Variants in ATP13A5 observed in about 807,000 individuals in gnomAD.
ATP13A5 encodes the protein ATPase 13A5, also known as probable cation-transporting ATPase 13A5.
A neutral mutation model predicts 150.2 loss-of-function variants in ATP13A5; 149 were observed. The ratio of observed to expected loss-of-function variants is 0.99; its 90% CI spans 0.87 to 1.14. The LOEUF (loss-of-function observed/expected upper bound fraction) is 1.14. Among genes scored for constraint, ATP13A5 ranks in the 50% most tolerant of loss-of-function variants. The probability of loss-of-function intolerance (pLI) is 0.00; values close to 1 mark genes in which losing one functional copy is unlikely to be tolerated. For synonymous variants in ATP13A5, 497 were observed against 522.2 expected (o/e 0.95, Z 0.66); for missense variants, 1,383 against 1,449.3 (o/e 0.95, Z 0.74).
intron 25 of ATP13A5, among the ~76,000 whole-genome samples, chr3:193,297,877 AG>A (rs1408917593): frequency 6.6e-6 from 1 of 152,144 alleles, no homozygotes; most frequent in East Asian, 1.9e-4. Context: ...GACTAGAACT[AG>A]GAAGATCATC....
chr3:193,371,805 G>A (rs1713452024), intron 1 of ATP13A5, among the ~76,000 whole-genome samples: 1 of 152,182 alleles, frequency 6.6e-6, no homozygotes, highest in Admixed American at 6.5e-5. Flanking sequence ...TAGGTCAGGT[G>A]TACCCAATCT....
At chr3:193,280,281 C>G (rs1446684104) in intron 27 of ATP13A5, among the ~76,000 whole-genome samples, 1 of 152,116 alleles carries the variant, frequency 6.6e-6, no homozygotes, top group Non-Finnish European at 1.5e-5. Context: ...GCTCGAACTC[C>G]TGACCTGCGA....
intron 14 of ATP13A5, 107 bp from the exon 15 acceptor site, chr3:193,322,681 A>G (rs2108863921): frequency 1.3e-6 from 1 of 794,202 alleles, no homozygotes; most frequent in Non-Finnish European, 2.0e-6. Context: ...ATTTTTACAT[A>G]TTTTCTCTTC....
intron 28 of ATP13A5, among the ~76,000 whole-genome samples, chr3:193,278,371 G>A (rs1717321778): frequency 6.6e-6 from 1 of 152,046 alleles, no homozygotes; most frequent in Non-Finnish European, 1.5e-5. Flanking sequence ...GTTGCCCTTG[G>A]CATAAAGTCT....
At chr3:193,345,661 G>A (rs1251343302) in intron 7 of ATP13A5, among the ~76,000 whole-genome samples, 1 of 152,164 alleles carries the variant, frequency 6.6e-6, no homozygotes, top group East Asian at 1.9e-4. Flanking sequence ...CAAGACTCAG[G>A]TATTGTAACA....
intron 5 of ATP13A5, 121 bp downstream of exon 5, chr3:193,362,260 A>T: frequency 1.1e-6 from 1 of 874,344 alleles, no homozygotes; most frequent in Non-Finnish European, 1.8e-6. Context: ...GCTGCCAGTA[A>T]ATGAACTTGG....
chr3:193,338,875 T>A (rs1317411288), intron 9 of ATP13A5, among the ~76,000 whole-genome samples: 1 of 152,210 alleles, frequency 6.6e-6, no homozygotes, highest in East Asian at 1.9e-4. Flanking sequence ...GGACTTTTTT[T>A]GGTTGGTAGG....
chr3:193,307,203 T>C, intron 22 of ATP13A5, 124 bp downstream of exon 22: 1 of 1,557,112 alleles, frequency 6.4e-7, no homozygotes, highest in Non-Finnish European at 8.7e-7. Flanking sequence ...GAGGTGGATA[T>C]AAACAGCAAA....
rs146780815 is a variant in ATP13A5 at position 193,364,223 on chromosome 3, C to A, written c.121G>T (p.Val41Leu). 16 of 1,614,108 alleles carry A rather than the reference C, an allele frequency of 9.9e-6. No individual in the cohort carries two copies. Among genetic ancestry groups the A allele is most frequent in the Admixed American group, 1.7e-5 (1 of 60,014 alleles). Reference protein sequence around the residue: ...VRKAFCLVASVLTCGGLLLVF... With the variant: ...VRKAFCLVASLLTCGGLLLVF... Reference sequence around the variant, plus strand: ...AGCAGAAGGCCCCCACAGGTCAGCACGGATGCGACAAGGCAGAAGGCTTTC... The same window carrying A: ...AGCAGAAGGCCCCCACAGGTCAGCAAGGATGCGACAAGGCAGAAGGCTTTC... The change falls in exon 2 of 30, where the codon GTG becomes TTG. Residue 41 changes from valine (V) to leucine (L), a missense_variant. Coordinates refer to ENST00000342358, the MANE Select transcript of ATP13A5 (RefSeq NM_198505.4).
intron 26 of ATP13A5, among the ~76,000 whole-genome samples, chr3:193,288,295 A>G (rs1223399570): frequency 6.6e-6 from 1 of 152,170 alleles, no homozygotes; most frequent in Non-Finnish European, 1.5e-5. Context: ...ATGCTATTAA[A>G]CAGCCTCACT....
At chr3:193,291,455 A>C (rs1283153951) in intron 25 of ATP13A5, among the ~76,000 whole-genome samples, 1 of 152,042 alleles carries the variant, frequency 6.6e-6, no homozygotes, top group Non-Finnish European at 1.5e-5. Context: ...TTTCTTATGC[A>C]CGGTGGGCTT....
chr3:193,296,879 C>G (rs1298413011), intron 25 of ATP13A5, among the ~76,000 whole-genome samples: 1 of 151,994 alleles, frequency 6.6e-6, no homozygotes, highest in Non-Finnish European at 1.5e-5. Context: ...AAACCAAGCA[C>G]TGCATATTCT....
At chr3:193,335,524 T>G (rs35304364) in intron 9 of ATP13A5, among the ~76,000 whole-genome samples, 369 of 152,290 alleles carry the variant, frequency 2.4e-3, no homozygotes, top group Middle Eastern at 0.01. Flanking sequence ...TTCAGCTATT[T>G]TAGGTGCTTA....
chr3:193,335,013 T>C lies in ATP13A5; in HGVS notation c.1030A>G (p.Lys344Glu), dbSNP rs75931190. Residue 344 changes from lysine to glutamate, a missense_variant, in exon 10 of 30, where the codon AAA becomes GAA. This residue lies in a region of ATP13A5 where 787 missense variants were observed against 771.9 expected (regional missense o/e 1.02). Coordinates refer to ENST00000342358, the MANE Select transcript of ATP13A5 (RefSeq NM_198505.4). ...WKCHSLEDYR[K>E]HVLFCGTEVI... ...TCTGTTCCACAGAAAAGGACGTGTTTCCTATAATCCTCCAAACTGTGACAT... is the reference window on the plus strand; with the variant it reads ...TCTGTTCCACAGAAAAGGACGTGTTCCCTATAATCCTCCAAACTGTGACAT... The C allele has an allele frequency of 2.2e-3, 3,535 of 1,613,964 alleles. 76 individuals carry two copies. The African/African-American group carries it at 0.043, about 20-fold the overall frequency.
rs112232375 is a variant in ATP13A5 at position 193,315,829 on chromosome 3, A to AT, written c.2034-734dup. Among the ~76,000 whole-genome samples, 784 of 151,738 alleles carry AT rather than the reference A, an allele frequency of 5.2e-3. 7 individuals carry two copies. The highest frequency in any genetic ancestry group is 0.018 in the African/African-American group (753 of 41,296). On this transcript the variant is annotated intron_variant, in intron 17 of 29. Transcript: ENST00000342358. ...CATTACCATAATCCAGGTAATAAACATATCCATCACCTCAAAAAGTTTCCT... is the reference window on the plus strand; with the variant it reads ...CATTACCATAATCCAGGTAATAAACATTATCCATCACCTCAAAAAGTTTCCT...
At chr3:193,313,808 G>A (rs1040244733) in intron 19 of ATP13A5, 2 of 472,268 alleles carry the variant, frequency 4.2e-6, no homozygotes, top group Non-Finnish European at 7.5e-6. Context: ...TACCCCAGGG[G>A]TTCTGATTTA....
intron 6 of ATP13A5, 23 bp from the exon 7 acceptor site, chr3:193,351,224 T>G: frequency 6.2e-7 from 1 of 1,613,306 alleles, no homozygotes; most frequent in Non-Finnish European, 8.5e-7. Flanking sequence ...AAATGGCATT[T>G]GGGTCACTTG....
At position 193,279,375 on chromosome 3, in the gene ATP13A5, A is replaced by T. The variant is rs1717375838; in HGVS notation, c.3306T>A (p.Arg1102=). The T allele has an allele frequency of 6.2e-7, 1 of 1,613,294 alleles. No homozygotes were observed. The change falls in exon 28 of 30, where the codon CGT becomes CGA. Residue 1102 remains arginine, a synonymous_variant. Transcript: ENST00000342358. The part of the protein sequence containing the change: ...ILFSDFQVIY[R]GMELIPTITS... The stretch of plus-strand genomic sequence containing the variant: ...AATGAATGCCACTTACCTCCATTCC[A>T]CGGTATATAACTTGAAAGTCAGAAA...
intron 27 of ATP13A5, among the ~76,000 whole-genome samples, chr3:193,280,618 T>C (rs982026475): frequency 2.6e-5 from 4 of 152,164 alleles, no homozygotes; most frequent in Admixed American, 1.3e-4. Flanking sequence ...GGAGCTAAAC[T>C]TCCCGGATGC....
Sources: allele counts gnomAD v4.1 joint callset (sites outside exome capture counted in the v4.1 genomes callset), GRCh38; gene constraint gnomAD v4.1.1; regional missense constraint gnomAD v4.1.1; transcripts MANE v1.5; gene names NCBI Gene and HGNC (gene_info 2026-07-23, HGNC 2026-07-21).